The following REEP4 variants were observed in gnomAD, a reference collection of about 807,000 sequenced individuals.
The protein encoded by REEP4 is receptor accessory protein 4.
Under a neutral mutation model 33.5 loss-of-function variants are expected in REEP4, and 17 were observed. The observed-to-expected ratio is 0.51, with a 90% CI of 0.35 to 0.76. REEP4 has a LOEUF of 0.76. Ranked by LOEUF, REEP4 falls within the 30% of genes least tolerant of loss-of-function variation. REEP4 has a pLI of 0.01. For missense variants in REEP4, 340 were observed against 357.9 expected (o/e 0.95, Z 0.40); for synonymous variants, 157 against 142.9 (o/e 1.10, Z -0.70).
chr8:22,141,555 G>T lies in REEP4; in HGVS notation c.-73C>A. The T allele has an allele frequency of 6.6e-7, 1 of 1,506,134 alleles. No individual in the cohort carries two copies. The highest frequency in any genetic ancestry group is 9.0e-7 in the Non-Finnish European group (1 of 1,111,824). The allele number at this position is 1,506,134 out of a possible 1,614,324, so 93.3% of individuals were successfully genotyped here. The stretch of plus-strand genomic sequence containing the variant: ...AGGACGTTCACTCAAGGGCTGGGAC[G>T]GGGGGTGATCAGGGCAGTTGCGGGA... On this transcript the variant is annotated 5_prime_UTR_variant, in exon 1 of 8. Coordinates refer to ENST00000306306, the MANE Select transcript of REEP4 (RefSeq NM_025232.4).
rs768905165 is a variant in REEP4 at position 22,140,186 on chromosome 8, G to A, written c.168C>T (p.Asp56=). ...ALFMAAEIVT[D]IFISWFPFYY... ...TGCGTCCATACCAGGAGATAAAAAT[G>A]TCTGTAACGATCTCTGCTGCCATGA... Residue 56 remains aspartate (D), a synonymous_variant, in exon 3 of 8, where the codon GAC becomes GAT. Coordinates refer to ENST00000306306, the MANE Select transcript of REEP4 (RefSeq NM_025232.4). 26 of 1,614,026 alleles carry A rather than the reference G, an allele frequency of 1.6e-5. No individual in the cohort carries two copies. The highest frequency in any genetic ancestry group is 6.7e-5 in the Admixed American group (4 of 60,014).
rs749429080 is a variant in REEP4 at position 22,138,552 on chromosome 8, C to G, written c.709G>C (p.Gly237Arg). 2 of 1,613,932 alleles carry G rather than the reference C, an allele frequency of 1.2e-6. No homozygotes were observed. The highest frequency in any genetic ancestry group is 1.7e-6 in the Non-Finnish European group (2 of 1,180,020). ...CGAACCTTCAGGGAGCGCGAGGTGC[C>G]CTGGGGAAAGGGGAGGCACAGCATG... is the stretch of plus-strand genomic sequence containing the variant. ...VVKRKPPVREGTSRSLKVRTR... is the reference protein window; with the variant it reads ...VVKRKPPVRERTSRSLKVRTR... The change falls in exon 8 of 8, where the codon GGC becomes CGC. Residue 237 changes from glycine (G) to arginine (R), a missense_variant and splice_region_variant. Physicochemically the swap from Gly to Arg is moderately radical, Grantham distance 125. Coordinates refer to ENST00000306306, the MANE Select transcript of REEP4 (RefSeq NM_025232.4).
rs746722633 is a variant in REEP4, at chr8:22,140,083, C to G, written c.183G>C (p.Trp61Cys). 1.9e-6 allele frequency: 3 copies of G among 1,613,888 alleles called. No individual in the cohort carries two copies. Among genetic ancestry groups the G allele is most frequent in the East Asian group, 2.2e-5 (1 of 44,872 alleles). ...TCTTGATCTCATAGTAGAAAGGGAA[C>G]CTGTCACAGCACAAGGGGCAGGGTG... is the stretch of plus-strand genomic sequence containing the variant. ...AEIVTDIFISWFPFYYEIKMA... is the reference protein window; with the variant it reads ...AEIVTDIFISCFPFYYEIKMA... Residue 61 changes from tryptophan to cysteine, a missense_variant and splice_region_variant, in exon 4 of 8, where the codon TGG becomes TGC. Transcript: ENST00000306306.
intron 1 of REEP4, among the ~76,000 whole-genome samples, chr8:22,141,032 T>C (rs1242800328): frequency 6.6e-6 from 1 of 152,236 alleles, no homozygotes; most frequent in African/African-American, 2.4e-5. Context: ...CACTGCTGGG[T>C]TGCAGATAGG....
Position 22,140,622 on chromosome 8 carries a change from C to G in REEP4, c.105+3G>C, listed in dbSNP as rs773722216. 2 of 1,613,316 alleles carry G rather than the reference C, an allele frequency of 1.2e-6. No individual in the cohort carries two copies. Among genetic ancestry groups the G allele is most frequent in the South Asian group, 2.2e-5 (2 of 90,990 alleles). On this transcript the variant is annotated splice_donor_region_variant and intron_variant, in intron 2 of 7. Transcript: ENST00000306306. ...TTAAACACACCCAAACCCCCACGCT[C>G]ACATATTCACGAATGTTCTTGGTCT...
chr8:22,140,331 G>A, intron 2 of REEP4, 83 bp from the exon 3 acceptor site: 2 of 1,406,374 alleles, frequency 1.4e-6, no homozygotes, highest in South Asian at 2.3e-5. Flanking sequence ...GAGATTCCAG[G>A]GAGCCTGTCC....
rs1042180073 is a variant in REEP4, at chr8:22,139,049, G to C, written c.430C>G (p.Leu144Val). The change falls in exon 6 of 8, where the codon CTG (leucine) becomes GTG (valine). Residue 144 changes from leucine to valine, a missense_variant. Physicochemically the swap from Leu to Val is conservative, Grantham distance 32. Transcript: ENST00000306306. ...GAGAAGCTCCGCAGCCTGCCGGCCAGCGCCCCCTGACTCTGCGAGGGGGAA... is the reference window on the plus strand; with the variant it reads ...GAGAAGCTCCGCAGCCTGCCGGCCACCGCCCCCTGACTCTGCGAGGGGGAA... ...VQAATKSQGALAGRLRSFSMQ... is the reference protein window; with the variant it reads ...VQAATKSQGAVAGRLRSFSMQ... 3 of 1,573,174 alleles carry C rather than the reference G, an allele frequency of 1.9e-6. No homozygotes were observed. The African/African-American group carries it at 4.1e-5, about 21-fold the overall frequency.
At position 22,138,245 on chromosome 8, in the gene REEP4, G is replaced by C. The variant is rs1827159583; in HGVS notation, c.*242C>G. ...GGCTCTTGTCCCACAACCGGGGAAG[G>C]GAGAGGGCAGAGCAAGGCAATAAAT... On this transcript the variant is annotated 3_prime_UTR_variant, in exon 8 of 8. Coordinates refer to ENST00000306306, the MANE Select transcript of REEP4 (RefSeq NM_025232.4). 1 of 660,184 alleles carries C rather than the reference G, an allele frequency of 1.5e-6. No individual in the cohort carries two copies. The highest frequency in any genetic ancestry group is 1.8e-5 in the African/African-American group (1 of 56,306). The allele number at this position is 660,184 out of a possible 1,614,324, so 40.9% of individuals were successfully genotyped here. A position where few individuals can be genotyped will look rare whatever the true frequency, so the allele number is the denominator to read the frequency against.
At chr8:22,140,391 A>T in intron 2 of REEP4, 143 bp from the exon 3 acceptor site, 1 of 938,704 alleles carries the variant, frequency 1.1e-6, no homozygotes, top group Non-Finnish European at 1.7e-6. Context: ...AGCTCTGAGA[A>T]ACTGCTGCTC....
intron 4 of REEP4, 149 bp downstream of exon 4, chr8:22,139,814 G>A (rs1030934611): frequency 2.2e-5 from 21 of 952,480 alleles, no homozygotes; most frequent in African/African-American, 3.3e-5. Flanking sequence ...CAGAAGATGA[G>A]GTAGGCTGGG....
rs113060138 is a variant in REEP4, at chr8:22,141,663, G to A, written c.-181C>T. 1.5e-3 allele frequency: 772 copies of A among 506,322 alleles called. 9 individuals are homozygous for A. Among genetic ancestry groups the A allele is most frequent in the African/African-American group, 0.014 (699 of 49,920 alleles). The allele number at this position is 506,322 out of a possible 1,614,324, so 31.4% of individuals were successfully genotyped here. A position where few individuals can be genotyped will look rare whatever the true frequency, so the allele number is the denominator to read the frequency against. On this transcript the variant is annotated 5_prime_UTR_variant, in exon 1 of 8. Transcript: ENST00000306306. Reference sequence around the variant, plus strand: ...CCGACTGTGCAGTTCAGGGGACCTGGAGAATGGGGAGACCCGAGGCAAAGC... The same window carrying A: ...CCGACTGTGCAGTTCAGGGGACCTGAAGAATGGGGAGACCCGAGGCAAAGC...
Position 22,139,501 on chromosome 8 carries a change from T to C in REEP4, c.332A>G (p.Lys111Arg). Residue 111 changes from lysine to arginine, a missense_variant, in exon 5 of 8, where the codon AAG (lysine) becomes AGG (arginine). By Grantham distance (26) the Lys-to-Arg change is conservative. Coordinates refer to ENST00000306306, the MANE Select transcript of REEP4 (RefSeq NM_025232.4). The part of the protein sequence containing the change: ...KEIDAYIVQA[K>R]ERSYETVLSF... The stretch of plus-strand genomic sequence containing the variant: ...GAGCACGGTCTCGTAGCTGCGCTCC[T>C]TGGCCTGCACGATGTACGCGTCGAT... 1.2e-6 allele frequency: 2 copies of C among 1,610,734 alleles called. No individual in the cohort carries two copies. Among genetic ancestry groups the C allele is most frequent in the Non-Finnish European group, 8.5e-7 (1 of 1,179,850 alleles).
rs1827169764 is a variant in REEP4 at position 22,138,650 on chromosome 8, G to C, written c.697C>G (p.Pro233Ala). Residue 233 changes from proline to alanine, a missense_variant, in exon 7 of 8, where the codon CCG becomes GCG. Physicochemically the swap from Pro to Ala is conservative, Grantham distance 27. Coordinates refer to ENST00000306306, the MANE Select transcript of REEP4 (RefSeq NM_025232.4). ...CCTCCCACACTGACCTCCCGCACCG[G>C]TGGCTTCCTCTTGACCACACGCAGG... Reference protein sequence around the residue: ...QSLRVVKRKPPVREGTSRSLK... With the variant: ...QSLRVVKRKPAVREGTSRSLK... The C allele has an allele frequency of 9.9e-6, 16 of 1,613,936 alleles. No individual in the cohort carries two copies. Among genetic ancestry groups the C allele is most frequent in the Non-Finnish European group, 1.4e-5 (16 of 1,180,036 alleles).
chr8:22,140,198 C>T lies in REEP4; in HGVS notation c.156G>A (p.Glu52=). ...AGGAGATAAAAATGTCTGTAACGAT[C>T]TCTGCTGCCATGAAGAGTGCAAAAA... ...WIVFALFMAA[E]IVTDIFISWF... is the part of the protein sequence containing the mutation. Residue 52 remains glutamate (E), a synonymous_variant, in exon 3 of 8, where the codon GAG becomes GAA. Coordinates refer to ENST00000306306, the MANE Select transcript of REEP4 (RefSeq NM_025232.4). The T allele has an allele frequency of 3.1e-6, 5 of 1,614,136 alleles. No homozygotes were observed. The highest frequency in any genetic ancestry group is 1.1e-5 in the South Asian group (1 of 91,092).
chr8:22,138,095 A>C lies in REEP4; in HGVS notation c.*392T>G. The C allele has an allele frequency of 1.8e-6, 1 of 559,106 alleles. No individual in the cohort carries two copies. The highest frequency in any genetic ancestry group is 3.2e-6 in the Non-Finnish European group (1 of 310,902). The allele number at this position is 559,106 out of a possible 1,614,324, so 34.6% of individuals were successfully genotyped here. The stretch of plus-strand genomic sequence containing the variant: ...ACCAACACACACACACACAACCAGG[A>C]CACATGTGCCAGGCCTTATGAAAGG... On this transcript the variant is annotated 3_prime_UTR_variant, in exon 8 of 8. Transcript: ENST00000306306.
At chr8:22,139,875 G>A (rs969155271) in intron 4 of REEP4, 88 bp downstream of exon 4, 25 of 1,486,988 alleles carry the variant, frequency 1.7e-5, no homozygotes, top group South Asian at 5.1e-5. Flanking sequence ...ATAGAACCCC[G>A]GTGTCCCCAG....
Position 22,138,670 on chromosome 8 carries a change from C to T in REEP4, c.677G>A (p.Arg226His), listed in dbSNP as rs537439147. The T allele has an allele frequency of 4.6e-5, 75 of 1,613,862 alleles. 1 individual carries two copies. The highest frequency in any genetic ancestry group is 3.1e-4 in the South Asian group (28 of 91,090). Residue 226 changes from arginine (R) to histidine (H), a missense_variant, in exon 7 of 8, where the codon CGT (arginine) becomes CAT (histidine). Physicochemically the swap from Arg to His is conservative, Grantham distance 29. Transcript: ENST00000306306. Reference protein sequence around the residue: ...EKPLIRSQSLRVVKRKPPVRE... With the variant: ...EKPLIRSQSLHVVKRKPPVRE... ...CACCGGTGGCTTCCTCTTGACCACA[C>T]GCAGGCTCTGGCTGCGGATTAGGGG...
Position 22,138,526 on chromosome 8 carries a change from C to T in REEP4, c.735G>A (p.Arg245=). 2 of 1,613,940 alleles carry T rather than the reference C, an allele frequency of 1.2e-6. No individual in the cohort carries two copies. Among genetic ancestry groups the T allele is most frequent in the East Asian group, 4.5e-5 (2 of 44,884 alleles). Residue 245 remains arginine (R), a synonymous_variant, in exon 8 of 8, where the codon CGG becomes CGA. Coordinates refer to ENST00000306306, the MANE Select transcript of REEP4 (RefSeq NM_025232.4). ...REGTSRSLKV[R]TRKKTVPSDV... The stretch of plus-strand genomic sequence containing the variant: ...CTGAGGGCACAGTCTTTTTCCTCGT[C>T]CGAACCTTCAGGGAGCGCGAGGTGC...
chr8:22,139,470 G>A lies in REEP4; in HGVS notation c.363C>T (p.Phe121=), dbSNP rs531148000. 7.3e-5 allele frequency: 118 copies of A among 1,610,548 alleles called. No individual in the cohort carries two copies. The South Asian group carries it at 1.0e-3, about 14-fold the overall frequency. Reference sequence around the variant, plus strand: ...CGGCAATGTTGAGGCCCCGCTTCCCGAAGCTGAGCACGGTCTCGTAGCTGC... The same window carrying A: ...CGGCAATGTTGAGGCCCCGCTTCCCAAAGCTGAGCACGGTCTCGTAGCTGC... ...KERSYETVLS[F]GKRGLNIAAS... Residue 121 remains phenylalanine (F), a synonymous_variant, in exon 5 of 8, where the codon TTC becomes TTT. Transcript: ENST00000306306.
Sources: gnomAD v4.1 joint callset for allele counts (sites outside exome capture counted in the v4.1 genomes callset) on GRCh38, gnomAD v4.1.1 for gene constraint, MANE v1.5 for transcripts, NCBI Gene and HGNC (gene_info 2026-07-23, HGNC 2026-07-21) for gene names.